The following PWWP2B variants were observed in gnomAD, a reference collection of about 807,000 sequenced individuals.
The protein encoded by PWWP2B is PWWP domain containing 2B.
In PWWP2B, 9 loss-of-function variants were observed where a neutral mutation model predicts 15.5. The observed-to-expected ratio is 0.58, with a 90% confidence interval of 0.35 to 1.02. The LOEUF (loss-of-function observed/expected upper bound fraction) is 1.02. PWWP2B is among the 50% of genes least tolerant of loss of function. PWWP2B has a pLI of 0.02. For synonymous variants in PWWP2B, 474 were observed against 403.6 expected (o/e 1.17, Z -2.09); for missense variants, 864 against 865.3 (o/e 1.00, Z 0.02).
In PWWP2B at chr10:132,397,285, C is replaced by G; in HGVS notation, c.59C>G (p.Ala20Gly). Residue 20 changes from alanine to glycine, a missense_variant, in exon 1 of 3, where the codon GCG becomes GGG. Ala to Gly is a moderately conservative substitution (Grantham distance 60). Around this residue, in one of 2 missense-constraint regions of PWWP2B, gnomAD observed 736 missense variants for 687.7 expected, o/e 1.07. Transcript: ENST00000305233. ...PVRVEQVVNG[A>G]LVVTVSCGER... is the part of the protein sequence containing the mutation. ...CGGGTGGAGCAGGTCGTCAACGGCG[C>G]GCTGGTGGTCACGGTGAGCTGCGGC... 7.1e-7 allele frequency: 1 copy of G among 1,417,924 alleles called. No individual in the cohort carries two copies. The highest frequency in any genetic ancestry group is 9.3e-7 in the Non-Finnish European group (1 of 1,075,702). 87.8% of individuals were successfully genotyped at this position (1,417,924 alleles called of 1,614,324 possible).
Position 132,405,633 on chromosome 10 carries a change from C to T in PWWP2B, c.1133C>T (p.Ala378Val), listed in dbSNP as rs932838504. The change falls in exon 2 of 3, where the codon GCG becomes GTG. Residue 378 changes from alanine to valine, a missense_variant. By Grantham distance (64) the Ala-to-Val change is moderately conservative (BLOSUM62 0). Transcript: ENST00000305233. ...GCGGACGGCCCTGCCGGTGGGCTGG[C>T]GGACTTGTCTTCTGGAAGTTCGGGT... ...PCADGPAGGL[A>V]DLSSGSSGED... The T allele has an allele frequency of 5.0e-5, 81 of 1,612,180 alleles. No individual in the cohort carries two copies. Among genetic ancestry groups the T allele is most frequent in the Non-Finnish European group, 6.4e-5 (76 of 1,179,874 alleles).
intron 2 of PWWP2B, among the ~76,000 whole-genome samples, chr10:132,407,437 A>G (rs550245805): frequency 1.3e-3 from 192 of 152,326 alleles, no homozygotes; most frequent in African/African-American, 4.2e-3. Flanking sequence ...CCACCTGCCC[A>G]GAGGCCTTAG....
chr10:132,410,326 G>A (rs77261692), intron 2 of PWWP2B, among the ~76,000 whole-genome samples: 6,574 of 121,526 alleles, frequency 0.054, 190 homozygotes, highest in Middle Eastern at 0.11. Context: ...GCAAGGATCC[G>A]TATTCATCGG....
chr10:132,411,267 C>T (rs1214114361), intron 2 of PWWP2B, among the ~76,000 whole-genome samples: 5 of 152,234 alleles, frequency 3.3e-5, no homozygotes, highest in Non-Finnish European at 5.9e-5. Flanking sequence ...GGCTCAAGGC[C>T]GCTGCCTCTT....
rs2069697346 is a variant in PWWP2B at position 132,406,256 on chromosome 10, AC to A, written c.1759del (p.Gln587SerfsTer73). 6 of 1,609,044 alleles carry A rather than the reference AC, an allele frequency of 3.7e-6. No homozygotes were observed. Among genetic ancestry groups the A allele is most frequent in the Non-Finnish European group, 5.1e-6 (6 of 1,176,990 alleles). On this transcript the variant is annotated frameshift_variant, in exon 2 of 3. Coordinates refer to ENST00000305233, the MANE Select transcript of PWWP2B (RefSeq NM_138499.4). LOFTEE classifies it low-confidence loss of function (END_TRUNC). The stretch of plus-strand genomic sequence containing the variant: ...GGCCCCGGAAATCAGGGAGCTCTTA[AC>A]CCAGTTTGAAACGTAACTGGTTCCC... ...HVAPEIRELL[T>X]QFET is the part of the protein sequence containing the mutation.
At chr10:132,398,178 G>A (rs2069563545) in intron 1 of PWWP2B, among the ~76,000 whole-genome samples, 1 of 152,246 alleles carries the variant, frequency 6.6e-6, no homozygotes, top group Admixed American at 6.5e-5. Context: ...TCTTGTAAAG[G>A]CCCAACTTTT....
chr10:132,399,744 T>C (rs2069591106), intron 1 of PWWP2B, among the ~76,000 whole-genome samples: 1 of 152,256 alleles, frequency 6.6e-6, no homozygotes, highest in Non-Finnish European at 1.5e-5. Context: ...ACACAAGCCT[T>C]GTCCTGACCT....
intron 1 of PWWP2B, among the ~76,000 whole-genome samples, chr10:132,400,425 G>T (rs748569897): frequency 1.3e-5 from 2 of 152,156 alleles, no homozygotes; most frequent in Non-Finnish European, 2.9e-5. Flanking sequence ...AGGACACAGG[G>T]GGCCGGCCGT....
At chr10:132,415,421 A>G (rs911393944) in intron 2 of PWWP2B, among the ~76,000 whole-genome samples, 10 of 148,644 alleles carry the variant, frequency 6.7e-5, no homozygotes, top group Non-Finnish European at 1.3e-4. Context: ...ACTCATTTAC[A>G]CACGCACACA....
Position 132,405,180 on chromosome 10 carries a change from C to T in PWWP2B, c.680C>T (p.Ala227Val). 1.9e-6 allele frequency: 3 copies of T among 1,559,310 alleles called. No individual in the cohort carries two copies. Among genetic ancestry groups the T allele is most frequent in the Non-Finnish European group, 1.7e-6 (2 of 1,152,722 alleles). The change falls in exon 2 of 3, where the codon GCC becomes GTC. Residue 227 changes from alanine to valine, a missense_variant. Ala to Val is a moderately conservative substitution (Grantham distance 64). Coordinates refer to ENST00000305233, the MANE Select transcript of PWWP2B (RefSeq NM_138499.4). ...GAGAACGGCGAGCCCACGGCTGCGG[C>T]CACCGCCAGGAGGAGCAAGAGGGAG... is the stretch of plus-strand genomic sequence containing the variant. ...EPENGEPTAAATARRSKRERR... is the reference protein window; with the variant it reads ...EPENGEPTAAVTARRSKRERR...
intron 2 of PWWP2B, among the ~76,000 whole-genome samples, chr10:132,413,052 G>T (rs1309566759): frequency 6.6e-6 from 1 of 152,228 alleles, no homozygotes. Context: ...GCGTTTTCTG[G>T]CTCAGGCCTG....
Position 132,403,856 on chromosome 10 carries a change from G to GT in PWWP2B, c.126-769dup, listed in dbSNP as rs1475657783. ...TGGCCCAGCAGGGCAGGACCTGAGG[G>GT]TGCCAGGTGGGCAGATGGGGATGAG... On this transcript the variant is annotated intron_variant, in intron 1 of 2. Coordinates refer to ENST00000305233, the MANE Select transcript of PWWP2B (RefSeq NM_138499.4). 6.5e-5 allele frequency among the ~76,000 whole-genome samples: 7 copies of GT among 107,006 alleles called. No homozygotes were observed. In the East Asian group the frequency reaches 2.8e-3, roughly 42 times the overall value. 70.2% of individuals were successfully genotyped at this position (107,006 alleles called of 152,430 possible). A position where few individuals can be genotyped will look rare whatever the true frequency, so the allele number is the denominator to read the frequency against.
intron 2 of PWWP2B, among the ~76,000 whole-genome samples, chr10:132,413,943 C>T (rs944147075): frequency 5.3e-5 from 8 of 152,102 alleles, no homozygotes. Flanking sequence ...ACTCCGACCC[C>T]GTGTCCCGGT....
chr10:132,397,486 T>G, intron 1 of PWWP2B, 135 bp downstream of exon 1: 1 of 963,360 alleles, frequency 1.0e-6, no homozygotes, highest in Non-Finnish European at 1.3e-6. Context: ...CTGCCGAGCC[T>G]GAGTTTCGGG....
At chr10:132,407,577 C>G (rs2069716637) in intron 2 of PWWP2B, among the ~76,000 whole-genome samples, 1 of 152,172 alleles carries the variant, frequency 6.6e-6, no homozygotes, top group South Asian at 2.1e-4. Context: ...TGTGGTTGAG[C>G]CAGGGTCCCC....
intron 1 of PWWP2B, among the ~76,000 whole-genome samples, chr10:132,401,604 C>T (rs1020996553): frequency 6.6e-6 from 1 of 152,226 alleles, no homozygotes; most frequent in Non-Finnish European, 1.5e-5. Context: ...GGGAACTACA[C>T]TGCACCTGTG....
chr10:132,400,512 G>A (rs1181038251), intron 1 of PWWP2B, among the ~76,000 whole-genome samples: 4 of 152,272 alleles, frequency 2.6e-5, no homozygotes, highest in South Asian at 2.1e-4. Context: ...TCCCCTTGTG[G>A]GGCCTTGGAG....
At chr10:132,412,764 A>T (rs757937147) in intron 2 of PWWP2B, among the ~76,000 whole-genome samples, 10 of 152,170 alleles carry the variant, frequency 6.6e-5, no homozygotes, top group Non-Finnish European at 1.5e-4. Flanking sequence ...CCCCGCTTGC[A>T]GAGAATTCTC....
chr10:132,412,787 G>A (rs2069798462), intron 2 of PWWP2B, among the ~76,000 whole-genome samples: 1 of 152,264 alleles, frequency 6.6e-6, no homozygotes, highest in Non-Finnish European at 1.5e-5. Context: ...GGAGGCCAGG[G>A]TAGATGTGGG....
Sources: gnomAD v4.1 joint callset for allele counts (sites outside exome capture counted in the v4.1 genomes callset) on GRCh38, gnomAD v4.1.1 for gene constraint, gnomAD v4.1.1 regional missense constraint, MANE v1.5 for transcripts, NCBI Gene and HGNC (gene_info 2026-07-23, HGNC 2026-07-21) for gene names.